The following PXDNL variants were observed in gnomAD, a reference collection of about 807,000 sequenced individuals.
PXDNL encodes probable oxidoreductase PXDNL.
In PXDNL, 145 loss-of-function variants were observed where a neutral mutation model predicts 150.8. The ratio of observed to expected loss-of-function variants is 0.96; its 90% confidence interval spans 0.84 to 1.10. PXDNL has a LOEUF of 1.10. Ranked by LOEUF, PXDNL falls within the 50% of genes least tolerant of loss-of-function variation. The pLI is 0.00. For synonymous variants in PXDNL, 757 were observed against 725.7 expected, an observed-to-expected ratio of 1.04 and a Z score of -0.69; for missense variants, 2,087 against 1,873.9, an observed-to-expected ratio of 1.11 and a Z score of -2.10.
intron 2 of PXDNL, among the ~76,000 whole-genome samples, chr8:51,640,686 T>C (rs1385329560): frequency 6.6e-6 from 1 of 152,134 alleles, no homozygotes; most frequent in African/African-American, 2.4e-5. Flanking sequence ...TACAAAACAC[T>C]GCTCAGTGAA....
chr8:51,608,161 G>A (rs920048609), intron 2 of PXDNL, among the ~76,000 whole-genome samples: 2 of 148,130 alleles, frequency 1.4e-5, no homozygotes. Context: ...AGGCCGAGGT[G>A]GGCAGATCAT....
chr8:51,585,261 T>C (rs1044264054), intron 3 of PXDNL, among the ~76,000 whole-genome samples: 1 of 152,080 alleles, frequency 6.6e-6, no homozygotes, highest in African/African-American at 2.4e-5. Flanking sequence ...TGTGTATGGA[T>C]TGGGAAACAT....
At chr8:51,699,395 C>A (rs914267199) in intron 1 of PXDNL, among the ~76,000 whole-genome samples, 1 of 152,174 alleles carries the variant, frequency 6.6e-6, no homozygotes, top group African/African-American at 2.4e-5. Context: ...CTCAAATCTC[C>A]CAGCCTTCAT....
At chr8:51,567,535 C>G (rs578047486) in intron 3 of PXDNL, among the ~76,000 whole-genome samples, 6 of 151,770 alleles carry the variant, frequency 4.0e-5, no homozygotes, top group Non-Finnish European at 7.4e-5. Flanking sequence ...TCCCTCAATA[C>G]TTTTTGTTTT....
chr8:51,332,549 C>T lies in PXDNL; in HGVS notation c.4146+7075G>A, dbSNP rs564295420. On this transcript the variant is annotated intron_variant, in intron 21 of 22. Coordinates refer to ENST00000356297, the MANE Select transcript of PXDNL (RefSeq NM_144651.5). Reference sequence around the variant, plus strand: ...TAATCAGAGAGGGACCAGAGAAAGGCGAAGCTCAATGCAAGAGCTTGTATC... The same window carrying T: ...TAATCAGAGAGGGACCAGAGAAAGGTGAAGCTCAATGCAAGAGCTTGTATC... 9.2e-4 allele frequency among the ~76,000 whole-genome samples: 139 copies of T among 150,658 alleles called. 1 individual carries two copies. The highest frequency in any genetic ancestry group is 3.1e-3 in the African/African-American group (126 of 40,886).
intron 19 of PXDNL, among the ~76,000 whole-genome samples, chr8:51,357,876 C>T (rs930523380): frequency 6.6e-6 from 1 of 152,154 alleles, no homozygotes; most frequent in Non-Finnish European, 1.5e-5. Context: ...CTGGGCATCA[C>T]ACTTTAATAA....
intron 4 of PXDNL, among the ~76,000 whole-genome samples, chr8:51,537,192 C>G (rs1472699074): frequency 6.6e-6 from 1 of 152,166 alleles, no homozygotes; most frequent in African/African-American, 2.4e-5. Flanking sequence ...AAAAAAACCA[C>G]TGATGCCAGC....
chr8:51,636,770 T>C (rs1169379383), intron 2 of PXDNL, among the ~76,000 whole-genome samples: 3 of 151,930 alleles, frequency 2.0e-5, no homozygotes, highest in Admixed American at 6.6e-5. Context: ...GATACACAGA[T>C]GTAATACAAT....
intron 1 of PXDNL, among the ~76,000 whole-genome samples, chr8:51,665,870 A>T (rs923588335): frequency 2.6e-5 from 4 of 152,210 alleles, no homozygotes; most frequent in African/African-American, 9.7e-5. Context: ...TCCTGTGATG[A>T]TGTGAGGAAG....
chr8:51,375,073 G>T (rs538059967), intron 17 of PXDNL, among the ~76,000 whole-genome samples: 33 of 152,156 alleles, frequency 2.2e-4, no homozygotes, highest in African/African-American at 7.9e-4. Flanking sequence ...ATGTATAAAT[G>T]CAACTAGCTA....
chr8:51,618,472 G>C (rs1312663608), intron 2 of PXDNL, among the ~76,000 whole-genome samples: 2 of 152,192 alleles, frequency 1.3e-5, no homozygotes, highest in African/African-American at 4.8e-5. Flanking sequence ...CTTTTAAAGA[G>C]AAAGTGCAGT....
At chr8:51,694,522 G>A (rs1260616646) in intron 1 of PXDNL, among the ~76,000 whole-genome samples, 18 of 152,190 alleles carry the variant, frequency 1.2e-4, no homozygotes. Flanking sequence ...AGCTGCTGAT[G>A]CCTTAAATCT....
chr8:51,673,481 A>G (rs923509150), intron 1 of PXDNL, among the ~76,000 whole-genome samples: 4 of 152,210 alleles, frequency 2.6e-5, no homozygotes, highest in African/African-American at 9.6e-5. Context: ...GCTTCCTCCA[A>G]AAAGATAAGA....
rs905140659 is a variant in PXDNL, at chr8:51,528,811, T to C, written c.380+28029A>G. Among the ~76,000 whole-genome samples the C allele has an allele frequency of 3.3e-5, 5 of 152,334 alleles. No individual in the cohort carries two copies. The South Asian group carries it at 6.2e-4, about 19-fold the overall frequency. ...CAGCAACCTCTAGAAATTGGGTTTTTACAGCTTCCACAACCGCAAGAAACT... is the reference window on the plus strand; with the variant it reads ...CAGCAACCTCTAGAAATTGGGTTTTCACAGCTTCCACAACCGCAAGAAACT... On this transcript the variant is annotated intron_variant, in intron 4 of 22. Coordinates refer to ENST00000356297, the MANE Select transcript of PXDNL (RefSeq NM_144651.5).
chr8:51,476,652 G>A (rs183589227), intron 6 of PXDNL, among the ~76,000 whole-genome samples: 26 of 152,244 alleles, frequency 1.7e-4, no homozygotes, highest in Non-Finnish European at 2.6e-4. Context: ...GCAAAAAGGC[G>A]CAGAAATGAT....
At chr8:51,716,284 C>T (rs150523023) in intron 1 of PXDNL, among the ~76,000 whole-genome samples, 14 of 152,210 alleles carry the variant, frequency 9.2e-5, no homozygotes, top group East Asian at 7.7e-4. Context: ...GACAGCTGTA[C>T]CTTGGAGCCA....
intron 3 of PXDNL, among the ~76,000 whole-genome samples, chr8:51,591,317 C>T (rs978466925): frequency 1.9e-4 from 29 of 152,124 alleles, no homozygotes; most frequent in Admixed American, 9.2e-4. Context: ...AAAGGTTAGG[C>T]GAGCAGATGG....
At chr8:51,420,321 A>G (rs1808914411) in intron 14 of PXDNL, among the ~76,000 whole-genome samples, 1 of 152,200 alleles carries the variant, frequency 6.6e-6, no homozygotes, top group Admixed American at 6.5e-5. Context: ...ACATTCAGCA[A>G]ATGTTACTTT....
At chr8:51,520,439 G>A (rs542771745) in intron 4 of PXDNL, among the ~76,000 whole-genome samples, 1 of 152,202 alleles carries the variant, frequency 6.6e-6, no homozygotes, top group Admixed American at 6.5e-5. Context: ...GCCGCACCAG[G>A]AGGAGGGACG....
Sources: gnomAD v4.1 joint callset for allele counts (sites outside exome capture counted in the v4.1 genomes callset) on GRCh38, gnomAD v4.1.1 for gene constraint, MANE v1.5 for transcripts, NCBI Gene and HGNC (gene_info 2026-07-23, HGNC 2026-07-21) for gene names.